The following XPO4 variants were observed in gnomAD, a reference collection of about 807,000 sequenced individuals.
XPO4 encodes exportin 4.
Under a neutral mutation model 143.0 loss-of-function variants are expected in XPO4, and 39 were observed. The ratio of observed to expected loss-of-function variants is 0.27; its 90% CI spans 0.21 to 0.36. XPO4 has a LOEUF of 0.36. Among genes scored for constraint, XPO4 ranks in the 10% least tolerant of loss-of-function variants. XPO4 has a pLI of 1.00. For missense variants in XPO4, 907 were observed against 1,348.0 expected, an observed-to-expected ratio of 0.67 and a Z score of 5.12; for synonymous variants, 439 against 474.0, an observed-to-expected ratio of 0.93 and a Z score of 0.96.
At chr13:20,788,712 T>A (rs2141482607) in intron 19 of XPO4, 96 bp from the exon 20 acceptor site, 1 of 1,198,664 alleles carries the variant, frequency 8.3e-7, no homozygotes, top group East Asian at 2.6e-5. Flanking sequence ...AGCTTCTAAA[T>A]ATAATGATTT....
intron 13 of XPO4, among the ~76,000 whole-genome samples, chr13:20,802,502 A>AT (rs770889617): frequency 2.0e-5 from 3 of 152,220 alleles, no homozygotes; most frequent in Admixed American, 6.5e-5. Flanking sequence ...TAAGTTGTAG[A>AT]TATGTCAAAA....
rs2060047319 is a variant in XPO4, at chr13:20,848,269, C to CCTGA, written c.457-4384_457-4383insTCAG. ...ATAAATAAAAACATTCTGCAGGACT[C>CCTGA]TTTCAGGAGTCCAATACAAGAATCC... On this transcript the variant is annotated intron_variant, in intron 4 of 22. Coordinates refer to ENST00000255305, the MANE Select transcript of XPO4 (RefSeq NM_022459.5). The CCTGA allele has an allele frequency of 1.5e-5, 15 of 984,524 alleles. No homozygotes were observed. In the South Asian group the frequency reaches 7.0e-4, roughly 46 times the overall value. The allele number at this position is 984,524 out of a possible 1,614,324, so 61.0% of individuals were successfully genotyped here. A position where few individuals can be genotyped will look rare whatever the true frequency, so the allele number is the denominator to read the frequency against.
At chr13:20,899,901 C>T (rs898269606) in intron 1 of XPO4, among the ~76,000 whole-genome samples, 15 of 152,134 alleles carry the variant, frequency 9.9e-5, no homozygotes, top group Non-Finnish European at 1.6e-4. Flanking sequence ...TAATAATTGA[C>T]GGAGCATTAA....
chr13:20,876,093 C>CAAAA (rs11301411), intron 1 of XPO4, among the ~76,000 whole-genome samples: 11 of 90,730 alleles, frequency 1.2e-4, no homozygotes, highest in South Asian at 4.0e-4. Context: ...CTACTAAATA[C>CAAAA]AAAAAAAAAA....
chr13:20,830,680 G>C (rs2059842043), intron 6 of XPO4, among the ~76,000 whole-genome samples: 1 of 151,982 alleles, frequency 6.6e-6, no homozygotes, highest in African/African-American at 2.4e-5. Context: ...CGTTTATATG[G>C]AACAGCATCA....
At position 20,783,932 on chromosome 13, in the gene XPO4, T is replaced by C. The variant is rs375299769; in HGVS notation, c.3259-13A>G. On this transcript the variant is annotated splice_polypyrimidine_tract_variant and intron_variant, in intron 22 of 22. Coordinates refer to ENST00000255305, the MANE Select transcript of XPO4 (RefSeq NM_022459.5). Reference sequence around the variant, plus strand: ...CAGAATATTCAGCCTATTGAAGAGATAAAGTATACACAAGTATCCTCCTTA... The same window carrying C: ...CAGAATATTCAGCCTATTGAAGAGACAAAGTATACACAAGTATCCTCCTTA... 17 of 1,612,442 alleles carry C rather than the reference T, an allele frequency of 1.1e-5. No individual in the cohort carries two copies. The highest frequency in any genetic ancestry group is 1.7e-4 in the Middle Eastern group (1 of 6,036).
rs1297638718 is a variant in XPO4, at chr13:20,801,008, A to G, written c.1818-18T>C. The stretch of plus-strand genomic sequence containing the variant: ...ACAACAGCCTGTAGGTATAAAACAG[A>G]AGTCATTTATTCTTTTATTTATTTA... On this transcript the variant is annotated intron_variant, in intron 13 of 22. Transcript: ENST00000255305. The G allele has an allele frequency of 6.2e-7, 1 of 1,604,018 alleles. No homozygotes were observed. Among genetic ancestry groups the G allele is most frequent in the Non-Finnish European group, 8.5e-7 (1 of 1,177,976 alleles).
intron 2 of XPO4, chr13:20,865,972 G>T: frequency 1.1e-6 from 1 of 918,436 alleles, no homozygotes; most frequent in Non-Finnish European, 1.3e-6. Flanking sequence ...GTTTTGTTTT[G>T]GCACTTGTGA....
rs373644102 is a variant in XPO4 at position 20,894,597 on chromosome 13, T to C, written c.69+8073A>G. ...GGCTCACGTCTATAATCCCAGCACTTTGGGAGGCCAAGGCAGGTGGATCAC... is the reference window on the plus strand; with the variant it reads ...GGCTCACGTCTATAATCCCAGCACTCTGGGAGGCCAAGGCAGGTGGATCAC... On this transcript the variant is annotated intron_variant, in intron 1 of 22. Coordinates refer to ENST00000255305, the MANE Select transcript of XPO4 (RefSeq NM_022459.5). 4.6e-5 allele frequency among the ~76,000 whole-genome samples: 7 copies of C among 152,208 alleles called. No homozygotes were observed. The East Asian group carries it at 7.7e-4, about 17-fold the overall frequency.
At chr13:20,797,847 A>T (rs2059378478) in intron 16 of XPO4, among the ~76,000 whole-genome samples, 1 of 152,154 alleles carries the variant, frequency 6.6e-6, no homozygotes, top group African/African-American at 2.4e-5. Context: ...CCAGGATATG[A>T]ACTTATTTGA....
At chr13:20,870,928 A>C (rs569620950) in intron 1 of XPO4, among the ~76,000 whole-genome samples, 34 of 151,978 alleles carry the variant, frequency 2.2e-4, no homozygotes, top group African/African-American at 8.2e-4. Context: ...CTCCTGCCTC[A>C]GTCTCCTCAG....
At chr13:20,902,600 C>T in intron 1 of XPO4, 70 bp downstream of exon 1, 7 of 1,455,202 alleles carry the variant, frequency 4.8e-6, no homozygotes, top group Non-Finnish European at 6.4e-6. Context: ...CAGCGAGCAG[C>T]AAGGCCTGGA....
intron 3 of XPO4, chr13:20,859,912 T>C: frequency 1.1e-6 from 1 of 938,796 alleles, no homozygotes; most frequent in Non-Finnish European, 1.3e-6. Flanking sequence ...GTCTCCAGAG[T>C]TCAGTGGTTC....
At chr13:20,838,474 G>A (rs1038907884) in intron 6 of XPO4, among the ~76,000 whole-genome samples, 1 of 151,912 alleles carries the variant, frequency 6.6e-6, no homozygotes. Context: ...GCCAGGCGTG[G>A]TGGCGGGCAC....
At chr13:20,896,484 A>G (rs2060570713) in intron 1 of XPO4, among the ~76,000 whole-genome samples, 1 of 152,168 alleles carries the variant, frequency 6.6e-6, no homozygotes, top group Non-Finnish European at 1.5e-5. Flanking sequence ...ATTTATTTCT[A>G]CAGTTTTTCT....
At chr13:20,789,359 G>A (rs1246748108) in intron 19 of XPO4, among the ~76,000 whole-genome samples, 2 of 150,210 alleles carry the variant, frequency 1.3e-5, no homozygotes, top group East Asian at 2.0e-4. Context: ...CATTCTTCTC[G>A]TATGTACTCA....
chr13:20,900,243 GT>G (rs1175641703), intron 1 of XPO4, among the ~76,000 whole-genome samples: 1 of 152,116 alleles, frequency 6.6e-6, no homozygotes, highest in African/African-American at 2.4e-5. Flanking sequence ...AATTAGCTGG[GT>G]GTGGTGGTAC....
intron 1 of XPO4, among the ~76,000 whole-genome samples, chr13:20,869,297 A>T (rs2060272023): frequency 6.6e-6 from 1 of 152,182 alleles, no homozygotes; most frequent in African/African-American, 2.4e-5. Context: ...CTTAACAAAA[A>T]CAATTTCTAA....
At chr13:20,835,455 A>C (rs2138030513) in intron 6 of XPO4, among the ~76,000 whole-genome samples, 1 of 152,308 alleles carries the variant, frequency 6.6e-6, no homozygotes, top group African/African-American at 2.4e-5. Flanking sequence ...ATGGATCATC[A>C]AGGCAGGCAG....
Sources: allele counts gnomAD v4.1 joint callset (sites outside exome capture counted in the v4.1 genomes callset), GRCh38; gene constraint gnomAD v4.1.1; transcripts MANE v1.5; gene names NCBI Gene and HGNC (gene_info 2026-07-23, HGNC 2026-07-21).